Variants in DPP10 observed in about 807,000 individuals in gnomAD.
DPP10 encodes the protein inactive dipeptidyl peptidase 10.
Under a neutral mutation model 120.9 loss-of-function variants are expected in DPP10, and 33 were observed. The observed-to-expected ratio is 0.27, with a 90% CI of 0.21 to 0.37. The LOEUF is 0.37. Ranked by LOEUF, DPP10 falls within the 10% of genes least tolerant of loss-of-function variation. DPP10 has a pLI of 1.00. For synonymous variants in DPP10, 337 were observed against 326.1 expected, an observed-to-expected ratio of 1.03 and a Z score of -0.36; for missense variants, 816 against 942.8, an observed-to-expected ratio of 0.87 and a Z score of 1.76.
chr2:114,774,899 C>A (rs990071875), intron 1 of DPP10, among the ~76,000 whole-genome samples: 3 of 151,856 alleles, frequency 2.0e-5, no homozygotes, highest in Admixed American at 6.6e-5. Context: ...ATGGAACGAA[C>A]CCTGTTTAAA....
rs139628180 is a variant in DPP10, at chr2:115,791,443, A to G, written c.1700+87A>G. The G allele has an allele frequency of 1.1e-3, 1,302 of 1,197,276 alleles. 1 individual carries two copies. The highest frequency in any genetic ancestry group is 4.7e-3 in the Middle Eastern group (16 of 3,438). 74.2% of individuals were successfully genotyped at this position (1,197,276 alleles called of 1,614,324 possible). On this transcript the variant is annotated intron_variant, in intron 19 of 25. Transcript: ENST00000410059. ...CATGACAACATTTGATTCAATAAAG[A>G]AGAGAAGTCCTATGTGTGTAGTTAA... is the stretch of plus-strand genomic sequence containing the variant.
intron 1 of DPP10, among the ~76,000 whole-genome samples, chr2:114,815,137 G>A (rs990211146): frequency 2.0e-5 from 3 of 152,156 alleles, no homozygotes; most frequent in African/African-American, 7.2e-5. Context: ...AGGTGGTAGG[G>A]TCAAAGAGTA....
At chr2:115,830,500 A>C (rs1455436360) in intron 21 of DPP10, among the ~76,000 whole-genome samples, 1 of 152,192 alleles carries the variant, frequency 6.6e-6, no homozygotes, top group Non-Finnish European at 1.5e-5. Flanking sequence ...TTGAATGTAC[A>C]CTATGTGCCC....
chr2:115,020,432 A>G (rs1702987588), intron 1 of DPP10, among the ~76,000 whole-genome samples: 1 of 152,190 alleles, frequency 6.6e-6, no homozygotes, highest in Admixed American at 6.5e-5. Flanking sequence ...TTATATAATG[A>G]TATAAGAAAT....
At chr2:114,927,094 C>A (rs1261646376) in intron 1 of DPP10, among the ~76,000 whole-genome samples, 3 of 152,138 alleles carry the variant, frequency 2.0e-5, no homozygotes, top group Non-Finnish European at 4.4e-5. Flanking sequence ...CATGATCCAC[C>A]CACCTCAGCC....
intron 7 of DPP10, among the ~76,000 whole-genome samples, chr2:115,724,678 G>A (rs941739530): frequency 5.3e-5 from 8 of 152,150 alleles, no homozygotes; most frequent in African/African-American, 1.9e-4. Flanking sequence ...CTGCTTAGGT[G>A]TTGTGTTTGT....
intron 1 of DPP10, among the ~76,000 whole-genome samples, chr2:115,185,060 A>G (rs906618428): frequency 6.6e-6 from 1 of 152,182 alleles, no homozygotes; most frequent in Non-Finnish European, 1.5e-5. Flanking sequence ...GTGTTATAAA[A>G]TTAGTTTTAG....
At chr2:115,023,802 A>T (rs1703252219) in intron 1 of DPP10, among the ~76,000 whole-genome samples, 1 of 152,194 alleles carries the variant, frequency 6.6e-6, no homozygotes, top group Non-Finnish European at 1.5e-5. Flanking sequence ...TGTGGTATAC[A>T]TATATCCCAG....
At chr2:115,362,774 G>T (rs2106360129) in intron 3 of DPP10, among the ~76,000 whole-genome samples, 1 of 152,268 alleles carries the variant, frequency 6.6e-6, no homozygotes, top group Admixed American at 6.5e-5. Flanking sequence ...TTGATACATT[G>T]TTCTAGACCT....
At chr2:115,210,158 T>C (rs1425051218) in intron 1 of DPP10, among the ~76,000 whole-genome samples, 1 of 152,178 alleles carries the variant, frequency 6.6e-6, no homozygotes, top group African/African-American at 2.4e-5. Context: ...CTCCTAATGC[T>C]ATCCCTCCCT....
chr2:115,376,620 A>G (rs1164332090), intron 3 of DPP10, among the ~76,000 whole-genome samples: 2 of 151,522 alleles, frequency 1.3e-5, no homozygotes, highest in African/African-American at 4.9e-5. Flanking sequence ...TTACAGATGT[A>G]TACATGTGCC....
At chr2:114,479,071 C>T (rs1372048166) in intron 1 of DPP10, among the ~76,000 whole-genome samples, 2 of 138,788 alleles carry the variant, frequency 1.4e-5, no homozygotes, top group African/African-American at 5.4e-5. Context: ...ATAAATTAAG[C>T]ATGTACAGAA....
intron 2 of DPP10, among the ~76,000 whole-genome samples, chr2:115,335,770 G>A (rs186801869): frequency 6.6e-6 from 1 of 152,078 alleles, no homozygotes; most frequent in Admixed American, 6.6e-5. Flanking sequence ...AAATGGAAAT[G>A]CATTAGAAGA....
intron 1 of DPP10, among the ~76,000 whole-genome samples, chr2:114,652,807 G>A (rs908610144): frequency 2.0e-5 from 3 of 152,116 alleles, no homozygotes; most frequent in Non-Finnish European, 4.4e-5. Flanking sequence ...TTTAGAGCTT[G>A]TGTTCAGGTT....
At chr2:114,610,624 T>C (rs1052628212) in intron 1 of DPP10, among the ~76,000 whole-genome samples, 4 of 152,104 alleles carry the variant, frequency 2.6e-5, no homozygotes, top group African/African-American at 9.7e-5. Flanking sequence ...AATAGGACTG[T>C]GTCCAGGGCA....
At chr2:114,443,261 A>G (rs1160600503) in intron 1 of DPP10, among the ~76,000 whole-genome samples, 1 of 152,122 alleles carries the variant, frequency 6.6e-6, no homozygotes, top group African/African-American at 2.4e-5. Context: ...TCCTTTTTTA[A>G]AAAAAGCTCA....
chr2:114,900,040 A>G (rs77502161), intron 1 of DPP10, among the ~76,000 whole-genome samples: 2,661 of 152,304 alleles, frequency 0.017, 84 homozygotes, highest in African/African-American at 0.061. Flanking sequence ...CTGTATAACA[A>G]TTGTTTGAAG....
At chr2:114,540,149 C>T (rs914266161) in intron 1 of DPP10, among the ~76,000 whole-genome samples, 9 of 152,156 alleles carry the variant, frequency 5.9e-5, no homozygotes, top group African/African-American at 2.2e-4. Context: ...TGATATTTTC[C>T]AAATAAGGTA....
At position 115,009,595 on chromosome 2, in the gene DPP10, A is replaced by AG. The variant is rs61628669; in HGVS notation, c.61-299644_61-299643insG. ...AAGTATAATAATAAAAGAAAAAAAA[A>AG]AAAAGAAAAGACAAATATTTAAAGT... is the stretch of plus-strand genomic sequence containing the variant. On this transcript the variant is annotated intron_variant, in intron 1 of 25. Transcript: ENST00000410059. Among the ~76,000 whole-genome samples the AG allele has an allele frequency of 7.6e-3, 1,160 of 151,974 alleles. 13 individuals carry two copies. The highest frequency in any genetic ancestry group is 0.026 in the African/African-American group (1,083 of 41,412).
Sources: gnomAD v4.1 joint callset for allele counts (sites outside exome capture counted in the v4.1 genomes callset) on GRCh38, gnomAD v4.1.1 for gene constraint, MANE v1.5 for transcripts, NCBI Gene and HGNC (gene_info 2026-07-23, HGNC 2026-07-21) for gene names.